TMEM132E: variants seen among roughly 807,000 people sequenced by gnomAD.
TMEM132E encodes transmembrane protein 132E.
In TMEM132E, 49 loss-of-function variants were observed where a neutral mutation model predicts 78.5. That is an observed-to-expected ratio of 0.62 (90% confidence interval 0.50 to 0.79). TMEM132E has a LOEUF of 0.79. Among genes scored for constraint, TMEM132E ranks in the 30% least tolerant of loss-of-function variants. The pLI is 0.00. For missense variants in TMEM132E, 1,403 were observed against 1,470.9 expected (o/e 0.95, Z 0.75); for synonymous variants, 715 against 670.6 (o/e 1.07, Z -1.02).
At position 34,610,656 on chromosome 17, in the gene TMEM132E, G is replaced by A. The variant is rs745878991; in HGVS notation, c.68-15471G>A. 3.3e-5 allele frequency among the ~76,000 whole-genome samples: 5 copies of A among 152,234 alleles called. No individual in the cohort carries two copies. The East Asian group carries it at 9.6e-4, about 29-fold the overall frequency. The stretch of plus-strand genomic sequence containing the variant: ...AGCTGGTGTCGAGGCTCTTGACACT[G>A]TTGTGAGAATGAATTCAAGGATGAG... On this transcript the variant is annotated intron_variant, in intron 1 of 8. Transcript: ENST00000631683.
At chr17:34,618,986 C>T (rs1906868199) in intron 1 of TMEM132E, among the ~76,000 whole-genome samples, 1 of 152,192 alleles carries the variant, frequency 6.6e-6, no homozygotes, top group Non-Finnish European at 1.5e-5. Context: ...CAGCTTCCTC[C>T]ACCGCAGGTC....
intron 1 of TMEM132E, among the ~76,000 whole-genome samples, chr17:34,620,457 C>T (rs888276937): frequency 2.6e-5 from 4 of 152,278 alleles, no homozygotes; most frequent in African/African-American, 9.6e-5. Flanking sequence ...TGACCTTGTA[C>T]TACGCAAAGC....
intron 6 of TMEM132E, among the ~76,000 whole-genome samples, chr17:34,633,710 T>A (rs1226526313): frequency 1.3e-5 from 2 of 152,018 alleles, no homozygotes; most frequent in Non-Finnish European, 2.9e-5. Context: ...TTTGGAAGAG[T>A]AAGGTGTGTA....
intron 1 of TMEM132E, among the ~76,000 whole-genome samples, chr17:34,604,097 G>A (rs971211218): frequency 7.9e-5 from 12 of 152,182 alleles, no homozygotes; most frequent in Admixed American, 7.9e-4. Flanking sequence ...TAAGGGCTTT[G>A]TTTAATCCTC....
intron 1 of TMEM132E, among the ~76,000 whole-genome samples, chr17:34,619,462 C>T (rs1024796723): frequency 7.3e-5 from 11 of 150,770 alleles, no homozygotes; most frequent in Non-Finnish European, 1.0e-4. Context: ...AGGCACTAAT[C>T]ATGGCTCATG....
intron 6 of TMEM132E, among the ~76,000 whole-genome samples, chr17:34,634,437 G>A (rs1490074220): frequency 1.3e-5 from 2 of 152,360 alleles, no homozygotes; most frequent in South Asian, 2.1e-4. Context: ...CTGGCATTCT[G>A]TAAGAAGGAT....
At chr17:34,608,691 GA>G (rs1483937016) in intron 1 of TMEM132E, among the ~76,000 whole-genome samples, 1 of 152,226 alleles carries the variant, frequency 6.6e-6, no homozygotes, top group Non-Finnish European at 1.5e-5. Flanking sequence ...AATCAGGATG[GA>G]GGGGCTTGGC....
At position 34,580,943 on chromosome 17, in the gene TMEM132E, T is replaced by C; in HGVS notation, c.-134T>C. On this transcript the variant is annotated 5_prime_UTR_variant, in exon 1 of 9. Coordinates refer to ENST00000631683, the MANE Select transcript of TMEM132E (RefSeq NM_001304438.2). Reference sequence around the variant, plus strand: ...CCCGCAAAGTGTCCCCGAATTGCACTCTCTGGTCCCGGAGCTGCATCTGAG... The same window carrying C: ...CCCGCAAAGTGTCCCCGAATTGCACCCTCTGGTCCCGGAGCTGCATCTGAG... The C allele has an allele frequency of 1.7e-6, 1 of 593,850 alleles. No individual in the cohort carries two copies. The highest frequency in any genetic ancestry group is 3.2e-5 in the East Asian group (1 of 30,860). 36.8% of individuals were successfully genotyped at this position (593,850 alleles called of 1,614,324 possible).
intron 1 of TMEM132E, among the ~76,000 whole-genome samples, chr17:34,597,923 C>T (rs991543950): frequency 4.6e-5 from 7 of 152,152 alleles, no homozygotes; most frequent in African/African-American, 1.7e-4. Flanking sequence ...TGGCCTTGAG[C>T]AAGTCCCTTC....
At position 34,626,453 on chromosome 17, in the gene TMEM132E, C is replaced by T; in HGVS notation, c.394C>T (p.Arg132Cys). Residue 132 changes from arginine (R) to cysteine (C), a missense_variant, in exon 2 of 9, where the codon CGC becomes TGC. This residue lies in a region of TMEM132E where 511 missense variants were observed against 499.0 expected (regional missense o/e 1.02). Coordinates refer to ENST00000631683, the MANE Select transcript of TMEM132E (RefSeq NM_001304438.2). Reference sequence around the variant, plus strand: ...CTGGAAGGTGCGGGCCTTCATCGTCCGCTCGCACGTGCCCGCCTCGCAGCC... The same window carrying T: ...CTGGAAGGTGCGGGCCTTCATCGTCTGCTCGCACGTGCCCGCCTCGCAGCC... ...VNWKVRAFIV[R>C]SHVPASQPVV... is the part of the protein sequence containing the mutation. 2.5e-6 allele frequency: 4 copies of T among 1,613,182 alleles called. No homozygotes were observed. Among genetic ancestry groups the T allele is most frequent in the Non-Finnish European group, 3.4e-6 (4 of 1,179,844 alleles).
At chr17:34,608,598 G>C (rs1015512258) in intron 1 of TMEM132E, among the ~76,000 whole-genome samples, 4 of 152,202 alleles carry the variant, frequency 2.6e-5, no homozygotes, top group Admixed American at 2.6e-4. Context: ...AAGTGGGACT[G>C]TACACTTACC....
chr17:34,624,452 G>C (rs1830054414), intron 1 of TMEM132E, among the ~76,000 whole-genome samples: 1 of 152,224 alleles, frequency 6.6e-6, no homozygotes, highest in African/African-American at 2.4e-5. Context: ...TTCAGAGAAG[G>C]ACAAAGCTCT....
intron 1 of TMEM132E, among the ~76,000 whole-genome samples, chr17:34,595,379 A>G (rs562085326): frequency 1.3e-5 from 2 of 152,322 alleles, no homozygotes; most frequent in Admixed American, 1.3e-4. Context: ...CTGGATGCTC[A>G]ATAAACAGGA....
chr17:34,592,504 T>A (rs577861118), intron 1 of TMEM132E, among the ~76,000 whole-genome samples: 1 of 152,308 alleles, frequency 6.6e-6, no homozygotes, highest in Admixed American at 6.5e-5. Flanking sequence ...ATCTGCAGCC[T>A]GAAGGTGTAT....
At chr17:34,595,154 C>T (rs1035903918) in intron 1 of TMEM132E, among the ~76,000 whole-genome samples, 2 of 152,208 alleles carry the variant, frequency 1.3e-5, no homozygotes, top group Non-Finnish European at 1.5e-5. Context: ...AGTAACATTT[C>T]GTCCAGAGCT....
intron 5 of TMEM132E, among the ~76,000 whole-genome samples, chr17:34,632,388 C>T (rs957931454): frequency 1.3e-5 from 2 of 152,244 alleles, no homozygotes; most frequent in Non-Finnish European, 2.9e-5. Context: ...CCTGAGAGGC[C>T]CTCACCCTGG....
Position 34,580,771 on chromosome 17 carries a change from C to A in TMEM132E, c.-306C>A, listed in dbSNP as rs1282482722. 3.1e-6 allele frequency: 1 copy of A among 327,652 alleles called. No individual in the cohort carries two copies. Among genetic ancestry groups the A allele is most frequent in the East Asian group, 5.0e-5 (1 of 20,062 alleles). The allele number at this position is 327,652 out of a possible 1,614,324, so 20.3% of individuals were successfully genotyped here. On this transcript the variant is annotated 5_prime_UTR_variant, in exon 1 of 9. Coordinates refer to ENST00000631683, the MANE Select transcript of TMEM132E (RefSeq NM_001304438.2). ...TAGCCCCCGGGACGCCCGCGGCCACCGGGCTCCGGACTGCACGTGCAGCTC... is the reference window on the plus strand; with the variant it reads ...TAGCCCCCGGGACGCCCGCGGCCACAGGGCTCCGGACTGCACGTGCAGCTC...
At chr17:34,583,148 T>C (rs1174650981) in intron 1 of TMEM132E, among the ~76,000 whole-genome samples, 1 of 152,230 alleles carries the variant, frequency 6.6e-6, no homozygotes, top group Non-Finnish European at 1.5e-5. Flanking sequence ...AGCCATGGGC[T>C]TATTCCCTGT....
chr17:34,587,263 C>T (rs1383288079), intron 1 of TMEM132E, among the ~76,000 whole-genome samples: 1 of 152,192 alleles, frequency 6.6e-6, no homozygotes, highest in Non-Finnish European at 1.5e-5. Context: ...TCCTAAACCC[C>T]TCCCCAGGAA....
Sources: allele counts gnomAD v4.1 joint callset (sites outside exome capture counted in the v4.1 genomes callset), GRCh38; gene constraint gnomAD v4.1.1; regional missense constraint gnomAD v4.1.1; transcripts MANE v1.5; gene names NCBI Gene and HGNC (gene_info 2026-07-23, HGNC 2026-07-21).